COL4A6: variants seen among roughly 807,000 people sequenced by gnomAD.
COL4A6 encodes collagen alpha-6(IV) chain.
In COL4A6, 59 loss-of-function variants were observed where a neutral mutation model predicts 126.7. The observed-to-expected ratio is 0.47, with a 90% confidence interval of 0.38 to 0.58. COL4A6 has a LOEUF of 0.58. COL4A6 is among the 20% of genes least tolerant of loss of function. The pLI, the probability that COL4A6 is intolerant of heterozygous loss-of-function variation, is 0.00. For synonymous variants in COL4A6, 547 were observed against 496.6 expected (o/e 1.10, Z -1.35); for missense variants, 1,285 against 1,337.3 (o/e 0.96, Z 0.61).
intron 13 of COL4A6, among the ~76,000 whole-genome samples, chrX:108,202,057 C>T (rs933882819): frequency 4.5e-5 from 5 of 111,425 alleles, no homozygotes; most frequent in Non-Finnish European, 9.4e-5. Context: ...TCAAGGTCTT[C>T]GCACTTACGG....
At chrX:108,180,863 G>C in intron 24 of COL4A6, 34 bp downstream of exon 24, 1 of 1,167,311 alleles carries the variant, frequency 8.6e-7, no homozygotes, top group Non-Finnish European at 1.2e-6. Context: ...CCTTACAAGA[G>C]TGTTTAGTGG....
intron 2 of COL4A6, among the ~76,000 whole-genome samples, chrX:108,356,828 C>T (rs1055730421): frequency 1.8e-5 from 2 of 109,904 alleles, no homozygotes; most frequent in Admixed American, 2.0e-4. Flanking sequence ...AATCATCATT[C>T]TTTATTTTCC....
chrX:108,420,377 T>A (rs2063963943), intron 2 of COL4A6, among the ~76,000 whole-genome samples: 1 of 111,336 alleles, frequency 9.0e-6, no homozygotes, highest in South Asian at 3.8e-4. Context: ...GGTGACTCAT[T>A]ATGGACACGT....
intron 3 of COL4A6, among the ~76,000 whole-genome samples, 197 bp downstream of exon 3, chrX:108,310,551 C>T (rs901667023): frequency 9.8e-5 from 11 of 112,354 alleles, no homozygotes; most frequent in South Asian, 7.5e-4. Context: ...AAGGAAACCT[C>T]TTCTTGGTAC....
intron 2 of COL4A6, among the ~76,000 whole-genome samples, chrX:108,324,506 T>A (rs941441731): frequency 1.8e-5 from 2 of 111,956 alleles, no homozygotes; most frequent in Non-Finnish European, 3.8e-5. Context: ...AGGGAGCATG[T>A]GAGGAATACT....
intron 2 of COL4A6, among the ~76,000 whole-genome samples, chrX:108,354,733 C>A (rs1440125072): frequency 1.8e-5 from 2 of 109,694 alleles, no homozygotes; most frequent in Non-Finnish European, 3.8e-5. Flanking sequence ...TCTGAGATTA[C>A]AAGCAAATAT....
intron 33 of COL4A6, among the ~76,000 whole-genome samples, 159 bp from the exon 34 acceptor site, chrX:108,171,076 A>T (rs1327012964): frequency 1.8e-5 from 2 of 112,706 alleles, no homozygotes; most frequent in East Asian, 5.6e-4. Flanking sequence ...AAGGTGCCCT[A>T]CAATTGAGAA....
intron 3 of COL4A6, among the ~76,000 whole-genome samples, chrX:108,264,474 T>C (rs1040179062): frequency 6.3e-5 from 7 of 111,815 alleles, no homozygotes; most frequent in African/African-American, 2.3e-4. Flanking sequence ...CCGAGTTCAC[T>C]GAACCTTTCT....
intron 19 of COL4A6, among the ~76,000 whole-genome samples, chrX:108,190,706 A>T (rs1297070495): frequency 3.1e-4 from 35 of 111,714 alleles, no homozygotes; most frequent in Admixed American, 3.0e-3. Flanking sequence ...ACTAATATTT[A>T]CAGAATGTCC....
At chrX:108,350,393 C>T (rs1200759496) in intron 2 of COL4A6, among the ~76,000 whole-genome samples, 2 of 111,225 alleles carry the variant, frequency 1.8e-5, no homozygotes, top group Non-Finnish European at 3.8e-5. Context: ...TTATCATCAT[C>T]ACCTAGAAAC....
rs921767450 is a variant in COL4A6, at chrX:108,393,662, G to T, written c.63+44280C>A. Reference sequence around the variant, plus strand: ...AGTATGTGAATTACATCTCAATAAAGCTGTCACCAAATAACTATAAAGTCA... The same window carrying T: ...AGTATGTGAATTACATCTCAATAAATCTGTCACCAAATAACTATAAAGTCA... On this transcript the variant is annotated intron_variant, in intron 2 of 44. Coordinates refer to ENST00000334504, the MANE Select transcript of COL4A6 (RefSeq NM_033641.4). Among the ~76,000 whole-genome samples, 9 of 112,525 alleles carry T rather than the reference G, an allele frequency of 8.0e-5. No homozygotes were observed. In the South Asian group the frequency reaches 3.3e-3, roughly 41 times the overall value.
At position 108,159,612 on chromosome X, in the gene COL4A6, G is replaced by A. The variant is rs1474986430; in HGVS notation, c.4662C>T (p.Pro1554=). The A allele has an allele frequency of 4.1e-6, 5 of 1,210,984 alleles. No homozygotes were observed. The highest frequency in any genetic ancestry group is 5.6e-6 in the Non-Finnish European group (5 of 895,449). The stretch of plus-strand genomic sequence containing the variant: ...ACTGGGGAATCTGGGTCTGGCTGAC[G>A]GGCATCATGGGGATAGGGGCGGTAG... The part of the protein sequence containing the change: ...LSTTAPIPMM[P]VSQTQIPQYI... Residue 1554 remains proline, a synonymous_variant, in exon 44 of 45, where the codon CCC becomes CCT. Coordinates refer to ENST00000334504, the MANE Select transcript of COL4A6 (RefSeq NM_033641.4).
In COL4A6 at chrX:108,164,650, G is replaced by A; in HGVS notation, c.4019C>T (p.Pro1340Leu). ...GFMGTPGKVG[P>L]PGDPGFPGMK... ...TCCGGGAAATCCTGGGTCTCCAGGT[G>A]GCCCAACCTTGCCTGGAGTCCCCAT... Residue 1340 changes from proline to leucine, a missense_variant, in exon 40 of 45, where the codon CCA becomes CTA. By Grantham distance (98) the Pro-to-Leu change is moderately conservative. Transcript: ENST00000334504. 5.8e-6 allele frequency: 7 copies of A among 1,211,807 alleles called. No homozygotes were observed. The highest frequency in any genetic ancestry group is 7.8e-6 in the Non-Finnish European group (7 of 895,469).
At chrX:108,210,112 G>C (rs186898368) in intron 7 of COL4A6, 108 bp from the exon 8 acceptor site, 125 of 735,604 alleles carry the variant, frequency 1.7e-4, no homozygotes, top group Middle Eastern at 6.1e-4. Flanking sequence ...TGAACCTTGG[G>C]CCTCCTCTGT....
intron 31 of COL4A6, among the ~76,000 whole-genome samples, chrX:108,172,936 G>T (rs1217869848): frequency 8.9e-6 from 1 of 112,194 alleles, no homozygotes; most frequent in African/African-American, 3.2e-5. Flanking sequence ...ACTTCACCCT[G>T]CAGGGTTAGC....
intron 23 of COL4A6, among the ~76,000 whole-genome samples, chrX:108,183,943 A>G (rs2034767187): frequency 8.9e-6 from 1 of 111,900 alleles, no homozygotes. Flanking sequence ...ACAGTTCAGT[A>G]ATAACCAGGG....
rs752381684 is a variant in COL4A6, at chrX:108,434,765, GAT to G, written c.63+3175_63+3176del. Among the ~76,000 whole-genome samples, 582 of 102,410 alleles carry G rather than the reference GAT, an allele frequency of 5.7e-3. 2 individuals carry two copies. Among genetic ancestry groups the G allele is most frequent in the Non-Finnish European group, 9.3e-3 (465 of 50,266 alleles). 88.9% of individuals were successfully genotyped at this position (102,410 alleles called of 115,157 possible). A position where few individuals can be genotyped will look rare whatever the true frequency, so the allele number is the denominator to read the frequency against. On this transcript the variant is annotated intron_variant, in intron 2 of 44. Coordinates refer to ENST00000334504, the MANE Select transcript of COL4A6 (RefSeq NM_033641.4). ...CTATCAGTATCCTTAGTCATCCCAA[GAT>G]ATATATATATATATATTATATATTT...
At chrX:108,255,347 C>T (rs2036973460) in intron 3 of COL4A6, among the ~76,000 whole-genome samples, 1 of 110,048 alleles carries the variant, frequency 9.1e-6, no homozygotes, top group South Asian at 3.9e-4. Context: ...TGTGTTAGTG[C>T]TCCACACTTT....
At position 108,264,366 on chromosome X, in the gene COL4A6, A is replaced by G. The variant is rs139777211; in HGVS notation, c.145-42992T>C. The stretch of plus-strand genomic sequence containing the variant: ...AGGAGTTCACTTAATGTTTACCTCA[A>G]ATCCCTGATGGGATCCTCTATGTTC... On this transcript the variant is annotated intron_variant, in intron 3 of 44. Transcript: ENST00000334504. Among the ~76,000 whole-genome samples the G allele has an allele frequency of 4.5e-3, 505 of 112,103 alleles. 3 individuals carry two copies. Among genetic ancestry groups the G allele is most frequent in the African/African-American group, 0.015 (472 of 30,945 alleles).
Sources: gnomAD v4.1 joint callset for allele counts (sites outside exome capture counted in the v4.1 genomes callset) on GRCh38, gnomAD v4.1.1 for gene constraint, MANE v1.5 for transcripts, NCBI Gene and HGNC (gene_info 2026-07-23, HGNC 2026-07-21) for gene names.